The following KIAA1671 variants were observed in gnomAD, a reference collection of about 807,000 sequenced individuals.
KIAA1671 encodes KIAA1671, also known as uncharacterized protein KIAA1671.
KIAA1671 carries 52 observed loss-of-function variants against 131.2 expected under a neutral mutation model. That is an observed-to-expected ratio of 0.40 (90% CI 0.32 to 0.50). The LOEUF (loss-of-function observed/expected upper bound fraction) is 0.50, where lower values mean the gene tolerates loss of function less well. Ranked by LOEUF, KIAA1671 falls within the 20% of genes least tolerant of loss-of-function variation. KIAA1671 has a pLI of 0.73. For synonymous variants in KIAA1671, 1,003 were observed against 961.6 expected (o/e 1.04, Z -0.80); for missense variants, 2,360 against 2,364.2 (o/e 1.00, Z 0.04).
chr22:25,069,533 C>T (rs1170808314), intron 6 of KIAA1671, among the ~76,000 whole-genome samples: 2 of 152,136 alleles, frequency 1.3e-5, no homozygotes, highest in African/African-American at 2.4e-5. Flanking sequence ...CAGGAGTGGA[C>T]GGGCCCAGGA....
chr22:24,995,089 C>T (rs1331700171), intron 1 of KIAA1671, among the ~76,000 whole-genome samples: 1 of 150,644 alleles, frequency 6.6e-6, no homozygotes, highest in Non-Finnish European at 1.5e-5. Context: ...CTCGCTCTCT[C>T]ACCCAGGCTG....
At chr22:25,031,973 A>G (rs1926319802) in intron 3 of KIAA1671, among the ~76,000 whole-genome samples, 1 of 152,210 alleles carries the variant, frequency 6.6e-6, no homozygotes, top group Non-Finnish European at 1.5e-5. Context: ...ATCTTCAGGT[A>G]TTTACACCAG....
At chr22:24,979,649 AAT>A (rs1923125969) in intron 1 of KIAA1671, among the ~76,000 whole-genome samples, 1 of 152,040 alleles carries the variant, frequency 6.6e-6, no homozygotes, top group South Asian at 2.1e-4. Context: ...GCGCCCGGCC[AAT>A]AATTTTTAAG....
rs1931201149 is a variant in KIAA1671, at chr22:25,109,176, C to T, written c.4530+59812C>T. Among the ~76,000 whole-genome samples, 3 of 151,614 alleles carry T rather than the reference C, an allele frequency of 2.0e-5. No individual in the cohort carries two copies. In the South Asian group the frequency reaches 6.2e-4, roughly 32 times the overall value. On this transcript the variant is annotated intron_variant, in intron 6 of 12. Coordinates refer to ENST00000358431, the MANE Select transcript of KIAA1671 (RefSeq NM_001145206.2). ...CCAGGCTGGAGCGCAGTGGTGTGAT[C>T]TCAGCTCACTGCAACCTCTGCCTCT...
At chr22:25,179,852 T>C (rs1471672779) in intron 9 of KIAA1671, among the ~76,000 whole-genome samples, 1 of 152,248 alleles carries the variant, frequency 6.6e-6, no homozygotes, top group Non-Finnish European at 1.5e-5. Context: ...CCATATATTA[T>C]CAATCTTTTC....
chr22:25,024,552 T>TAGCCAC (rs1602075722), intron 1 of KIAA1671: 1 of 152,214 alleles, frequency 6.6e-6, no homozygotes, highest in East Asian at 1.9e-4. Flanking sequence ...TGTCATTCAG[T>TAGCCAC]AGCCACAGCC....
At chr22:24,967,047 T>C (rs1922340630) in intron 1 of KIAA1671, among the ~76,000 whole-genome samples, 1 of 152,192 alleles carries the variant, frequency 6.6e-6, no homozygotes, top group Non-Finnish European at 1.5e-5. Context: ...TTCTTGAGTA[T>C]ACCCCCTCCC....
intron 9 of KIAA1671, among the ~76,000 whole-genome samples, chr22:25,181,025 C>T (rs995969084): frequency 2.6e-5 from 4 of 152,174 alleles, no homozygotes; most frequent in African/African-American, 4.8e-5. Context: ...ACCTCAGTTC[C>T]TCGGGTAGCC....
chr22:25,062,820 C>CCCCGCCCCCCGCCA (rs1928236200), intron 6 of KIAA1671: 1 of 88,340 alleles, frequency 1.1e-5, no homozygotes, highest in African/African-American at 5.6e-5. Context: ...CGGCACCCAC[C>CCCCGCCCCCCGCCA]CCCGCCCCCC....
rs748149338 is a variant in KIAA1671, at chr22:25,020,157, C to G, written c.-207-5476C>G. Among the ~76,000 whole-genome samples the G allele has an allele frequency of 7.0e-3, 1,061 of 152,280 alleles. 8 individuals carry two copies. The highest frequency in any genetic ancestry group is 0.011 in the Non-Finnish European group (774 of 68,016). On this transcript the variant is annotated intron_variant, in intron 1 of 12. Coordinates refer to ENST00000358431, the MANE Select transcript of KIAA1671 (RefSeq NM_001145206.2). ...TGGAGTCAGAAGACCTGGATTCCAA[C>G]CCCACCTCTACCCCTCACTAGCAGT...
intron 4 of KIAA1671, among the ~76,000 whole-genome samples, chr22:25,035,892 GGT>G (rs1926563690): frequency 3.3e-5 from 5 of 151,910 alleles, no homozygotes. Context: ...TGTGTATGTG[GGT>G]GTGTTTATTG....
chr22:25,067,360 C>G (rs1928532899), intron 6 of KIAA1671, among the ~76,000 whole-genome samples: 1 of 152,112 alleles, frequency 6.6e-6, no homozygotes, highest in Non-Finnish European at 1.5e-5. Flanking sequence ...GTTCCTGGTG[C>G]TCTTTGTCCC....
chr22:25,151,394 C>G (rs986359273), intron 6 of KIAA1671, among the ~76,000 whole-genome samples: 2 of 145,976 alleles, frequency 1.4e-5, no homozygotes, highest in Non-Finnish European at 3.0e-5. Context: ...ATAGACAGAT[C>G]AACAAAGTCC....
intron 1 of KIAA1671, among the ~76,000 whole-genome samples, chr22:24,985,975 T>A (rs1923507609): frequency 6.6e-6 from 1 of 151,860 alleles, no homozygotes; most frequent in South Asian, 2.1e-4. Flanking sequence ...ACTGCTGGGT[T>A]GGGACTTGTG....
At position 25,165,208 on chromosome 22, in the gene KIAA1671, C is replaced by T. The variant is rs1362503909; in HGVS notation, c.4531-5612C>T. Reference sequence around the variant, plus strand: ...TAAACTGCATTTACAAGATGAATTCCCTTAGGTAACCCTAGCCCCTGCATG... The same window carrying T: ...TAAACTGCATTTACAAGATGAATTCTCTTAGGTAACCCTAGCCCCTGCATG... On this transcript the variant is annotated intron_variant, in intron 6 of 12. Coordinates refer to ENST00000358431, the MANE Select transcript of KIAA1671 (RefSeq NM_001145206.2). Among the ~76,000 whole-genome samples, 4 of 152,080 alleles carry T rather than the reference C, an allele frequency of 2.6e-5. No individual in the cohort carries two copies. The East Asian group carries it at 7.7e-4, about 29-fold the overall frequency.
intron 6 of KIAA1671, among the ~76,000 whole-genome samples, chr22:25,091,183 G>A (rs1183280315): frequency 3.3e-5 from 5 of 152,010 alleles, no homozygotes; most frequent in East Asian, 3.9e-4. Context: ...TCAGCCTCCC[G>A]AGTAGCTGGA....
chr22:25,050,007 G>A (rs1927450258), intron 6 of KIAA1671: 1 of 152,262 alleles, frequency 6.6e-6, no homozygotes, highest in Admixed American at 6.5e-5. Flanking sequence ...GGCTGATGTG[G>A]GGCTCAGATG....
chr22:25,191,647 C>T (rs6004477), intron 12 of KIAA1671, among the ~76,000 whole-genome samples: 4,414 of 152,320 alleles, frequency 0.029, 98 homozygotes, highest in Middle Eastern at 0.061. Flanking sequence ...ACCGAGTTGT[C>T]CTCAGGGCTC....
rs112970400 is a variant in KIAA1671 at position 25,004,117 on chromosome 22, A to AT, written c.-207-21500dup. The stretch of plus-strand genomic sequence containing the variant: ...CAGGCGTGAGCCACTGTGCCCGGCC[A>AT]TTTTTTTTTTTTTTTTGAGACAGGG... On this transcript the variant is annotated intron_variant, in intron 1 of 12. Coordinates refer to ENST00000358431, the MANE Select transcript of KIAA1671 (RefSeq NM_001145206.2). Among the ~76,000 whole-genome samples, 166 of 141,114 alleles carry AT rather than the reference A, an allele frequency of 1.2e-3. 4 individuals are homozygous for AT. The highest frequency in any genetic ancestry group is 3.5e-3 in the Middle Eastern group (1 of 282). 92.6% of individuals were successfully genotyped at this position (141,114 alleles called of 152,430 possible).
Sources: allele counts gnomAD v4.1 joint callset (sites outside exome capture counted in the v4.1 genomes callset), GRCh38; gene constraint gnomAD v4.1.1; transcripts MANE v1.5; gene names NCBI Gene and HGNC (gene_info 2026-07-23, HGNC 2026-07-21).